Variants in ZNF675 observed in about 807,000 individuals in gnomAD.
The protein encoded by ZNF675 is zinc finger protein 675, also known as TRAF6 inhibitory zinc finger.
A neutral mutation model predicts 56.1 loss-of-function variants in ZNF675; 36 were observed. The observed-to-expected ratio is 0.64, with a 90% CI of 0.49 to 0.85. The LOEUF (loss-of-function observed/expected upper bound fraction) is 0.85, where lower values mean the gene tolerates loss of function less well. ZNF675 is among the 40% of genes least tolerant of loss of function. The pLI is 0.00. For missense variants in ZNF675, 663 were observed against 654.2 expected (o/e 1.01, Z -0.15); for synonymous variants, 200 against 218.9 (o/e 0.91, Z 0.76).
intron 2 of ZNF675, 26 bp from the exon 3 acceptor site, chr19:23,662,235 T>G: frequency 6.5e-7 from 1 of 1,541,232 alleles, no homozygotes; most frequent in Non-Finnish European, 9.0e-7. Context: ...ATAAATAACA[T>G]TAATTTTGCT....
chr19:23,682,042 T>C (rs969701395), intron 1 of ZNF675, among the ~76,000 whole-genome samples: 1 of 151,750 alleles, frequency 6.6e-6, no homozygotes, highest in South Asian at 2.1e-4. Flanking sequence ...TCACCTGTTG[T>C]AGAGCCAGAC....
chr19:23,677,874 C>T (rs1256072005), intron 1 of ZNF675, among the ~76,000 whole-genome samples: 2 of 151,702 alleles, frequency 1.3e-5, no homozygotes, highest in African/African-American at 4.9e-5. Flanking sequence ...AATCCCAGCA[C>T]TTTGGGAGGC....
intron 3 of ZNF675, among the ~76,000 whole-genome samples, chr19:23,658,857 A>ATATAGATATATCTATATAGATG (rs1968029408): frequency 2.6e-5 from 1 of 38,316 alleles, no homozygotes; most frequent in Admixed American, 4.0e-4. Flanking sequence ...CTATATAGAT[A>ATATAGATATATCTATATAGATG]TAGAAATAGA....
At chr19:23,678,926 G>C (rs1275706498) in intron 1 of ZNF675, among the ~76,000 whole-genome samples, 2 of 151,512 alleles carry the variant, frequency 1.3e-5, no homozygotes, top group East Asian at 1.9e-4. Flanking sequence ...CAGCACTTTG[G>C]AAGGCCGAGG....
At position 23,656,758 on chromosome 19, in the gene ZNF675, T is replaced by C. The variant is rs147535822; in HGVS notation, c.227-2052A>G. The C allele has an allele frequency of 5.8e-3, 562 of 96,412 alleles. 2 individuals carry two copies. The highest frequency in any genetic ancestry group is 0.02 in the African/African-American group (529 of 26,486). The allele number at this position is 96,412 out of a possible 1,614,324, so 6.0% of individuals were successfully genotyped here. A position where few individuals can be genotyped will look rare whatever the true frequency, so the allele number is the denominator to read the frequency against. On this transcript the variant is annotated intron_variant, in intron 3 of 3. Coordinates refer to ENST00000359788, the MANE Select transcript of ZNF675 (RefSeq NM_138330.3). Reference sequence around the variant, plus strand: ...CAGTAACAAAATGGATACTATATGATTCCACTTATGTGAGATATCTTAATT... The same window carrying C: ...CAGTAACAAAATGGATACTATATGACTCCACTTATGTGAGATATCTTAATT...
chr19:23,654,018 A>C lies in ZNF675; in HGVS notation c.915T>G (p.Ile305Met). ...ATATGTAGGGTTGCTCTCCAGTATG[A>C]ATTTTTTTATGTGTAGTAAGATTTG... ...QFSNLTTHKK[I>M]HTGEQPYICE... is the part of the protein sequence containing the mutation. Residue 305 changes from isoleucine to methionine, a missense_variant, in exon 4 of 4, where the codon ATT (isoleucine) becomes ATG (methionine). Transcript: ENST00000359788. 1 of 1,613,708 alleles carries C rather than the reference A, an allele frequency of 6.2e-7. No homozygotes were observed. Among genetic ancestry groups the C allele is most frequent in the South Asian group, 1.1e-5 (1 of 91,064 alleles).
intron 1 of ZNF675, among the ~76,000 whole-genome samples, chr19:23,682,057 ACT>A (rs1202844197): frequency 2.6e-5 from 4 of 151,470 alleles, no homozygotes; most frequent in Non-Finnish European, 2.9e-5. Flanking sequence ...CCAGACATAG[ACT>A]CTGCATATTT....
intron 3 of ZNF675, among the ~76,000 whole-genome samples, chr19:23,659,625 T>G (rs1394455750): frequency 6.6e-6 from 1 of 152,174 alleles, no homozygotes; most frequent in Non-Finnish European, 1.5e-5. Context: ...TTTAAAAGTC[T>G]TCTTTTCAGA....
At chr19:23,674,135 A>G (rs7260539) in intron 1 of ZNF675, among the ~76,000 whole-genome samples, 150,090 of 151,546 alleles carry the variant, frequency 0.99, 74,385 homozygotes, top group Middle Eastern at 1. Context: ...CCCGGGAGGC[A>G]GAGGTTGCAG....
At chr19:23,666,261 A>G (rs931885570) in intron 1 of ZNF675, among the ~76,000 whole-genome samples, 21 of 152,348 alleles carry the variant, frequency 1.4e-4, no homozygotes, top group African/African-American at 5.1e-4. Context: ...CTGAGTCTCT[A>G]TTTGAATAAA....
At chr19:23,656,621 C>CAT (rs56690312) in intron 3 of ZNF675, 2 of 146,700 alleles carry the variant, frequency 1.4e-5, no homozygotes, top group African/African-American at 2.5e-5. Flanking sequence ...GGTATACACA[C>CAT]ACACACACAC....
Position 23,653,769 on chromosome 19 carries a change from T to C in ZNF675, c.1164A>G (p.Lys388=), listed in dbSNP as rs139966799. 6.2e-7 allele frequency: 1 copy of C among 1,613,852 alleles called. No individual in the cohort carries two copies. The highest frequency in any genetic ancestry group is 1.3e-5 in the African/African-American group (1 of 74,908). ...NRSSNLTEHR[K]IHTEEKPYKC... is the part of the protein sequence containing the mutation. ...TGTAGGGTTTCTCTTCGGTATGAAT[T>C]TTCCTATGTTCCGTAAGATTTGAGG... The change falls in exon 4 of 4, where the codon AAA becomes AAG. Residue 388 remains lysine, a synonymous_variant. Coordinates refer to ENST00000359788, the MANE Select transcript of ZNF675 (RefSeq NM_138330.3).
intron 2 of ZNF675, 37 bp downstream of exon 2, chr19:23,662,993 CAA>C (rs61245955): frequency 5.8e-3 from 6,865 of 1,175,388 alleles, no homozygotes; most frequent in East Asian, 0.014. Flanking sequence ...AAAAGAAAAA[CAA>C]AAAAAAAAAG....
intron 1 of ZNF675, among the ~76,000 whole-genome samples, chr19:23,686,702 C>A (rs1968446731): frequency 6.6e-6 from 1 of 152,172 alleles, no homozygotes; most frequent in South Asian, 2.1e-4. Context: ...AATGAACCCG[C>A]ACCCTGAGTC....
At chr19:23,662,021 C>T in intron 3 of ZNF675, 93 bp downstream of exon 3, 1 of 910,906 alleles carries the variant, frequency 1.1e-6, no homozygotes, top group Non-Finnish European at 1.8e-6. Flanking sequence ...TAAAACACGG[C>T]TTCCCAAATC....
intron 1 of ZNF675, among the ~76,000 whole-genome samples, chr19:23,664,063 A>G (rs1423307183): frequency 6.6e-6 from 1 of 152,186 alleles, no homozygotes; most frequent in African/African-American, 2.4e-5. Context: ...GACTATCATA[A>G]GAGTTTTTAT....
intron 1 of ZNF675, 36 bp from the exon 2 acceptor site, chr19:23,663,194 T>C (rs777434445): frequency 5.1e-6 from 8 of 1,580,078 alleles, no homozygotes; most frequent in Admixed American, 1.8e-5. Flanking sequence ...ATTCACCAGG[T>C]AGCCAACAGA....
In ZNF675 at chr19:23,680,931, C is replaced by T. The variant is rs115302218; in HGVS notation, c.3+6100G>A. 5.7e-3 allele frequency among the ~76,000 whole-genome samples: 871 copies of T among 151,820 alleles called. 31 individuals carry two copies. Among genetic ancestry groups the T allele is most frequent in the African/African-American group, 0.02 (841 of 41,132 alleles). On this transcript the variant is annotated intron_variant, in intron 1 of 3. Coordinates refer to ENST00000359788, the MANE Select transcript of ZNF675 (RefSeq NM_138330.3). ...AGTACCTCAGTGACAAAATAATCTG[C>T]ACACCAAACCTTCATGACACAATTT...
chr19:23,658,618 T>G (rs1968020323), intron 3 of ZNF675: 1 of 151,832 alleles, frequency 6.6e-6, no homozygotes. Context: ...AGGTGGAGGT[T>G]GCAGTAAGCA....
Sources: gnomAD v4.1 joint callset for allele counts (sites outside exome capture counted in the v4.1 genomes callset) on GRCh38, gnomAD v4.1.1 for gene constraint, MANE v1.5 for transcripts, NCBI Gene and HGNC (gene_info 2026-07-23, HGNC 2026-07-21) for gene names.